Variants in EXT2 observed in about 807,000 individuals in gnomAD.
EXT2 encodes the protein exostosin glycosyltransferase 2.
EXT2 carries 53 observed loss-of-function variants against 81.6 expected under a neutral mutation model. That is an observed-to-expected ratio of 0.65 (90% CI 0.52 to 0.82). EXT2 has a LOEUF of 0.82. EXT2 is among the 40% of genes least tolerant of loss of function. The probability of loss-of-function intolerance (pLI) is 0.00; values close to 1 mark genes in which losing one functional copy is unlikely to be tolerated. For missense variants in EXT2, 774 were observed against 910.2 expected (o/e 0.85, Z 1.93); for synonymous variants, 320 against 340.0 (o/e 0.94, Z 0.65).
intron 4 of EXT2, 34 bp downstream of exon 4, chr11:44,114,335 T>C (rs1395633871): frequency 6.3e-7 from 1 of 1,575,222 alleles, no homozygotes; most frequent in Non-Finnish European, 8.7e-7. Context: ...GGTGTGCCTT[T>C]ACTGAATCTG....
intron 10 of EXT2, among the ~76,000 whole-genome samples, chr11:44,214,281 A>AT (rs1272251607): frequency 6.6e-6 from 1 of 151,734 alleles, no homozygotes; most frequent in Non-Finnish European, 1.5e-5. Flanking sequence ...CGCCCGGCTA[A>AT]TTTTTTGTAT....
At chr11:44,110,017 G>A (rs74936161) in intron 3 of EXT2, among the ~76,000 whole-genome samples, 1,721 of 152,240 alleles carry the variant, frequency 0.011, 35 homozygotes, top group African/African-American at 0.039. Flanking sequence ...AAGTTGGGGC[G>A]CAATATATAA....
intron 7 of EXT2, chr11:44,144,101 G>C (rs766243530): frequency 8.7e-6 from 6 of 689,666 alleles, no homozygotes; most frequent in Non-Finnish European, 1.2e-5. Flanking sequence ...ACAAACTTAC[G>C]CTTTCTTTCT....
rs1173837877 is a variant in EXT2, at chr11:44,187,344, AT to A, written c.1306-10473del. Reference sequence around the variant, plus strand: ...AGGCTTGCACCACTATATCCAGCTAATTTTTTTTTTTTGTAGTGACAGGGTC... The same window carrying A: ...AGGCTTGCACCACTATATCCAGCTAATTTTTTTTTTTGTAGTGACAGGGTC... On this transcript the variant is annotated intron_variant, in intron 8 of 13. Coordinates refer to ENST00000533608, the MANE Select transcript of EXT2 (RefSeq NM_207122.2). 8.2e-4 allele frequency among the ~76,000 whole-genome samples: 120 copies of A among 146,934 alleles called. 1 individual carries two copies. The highest frequency in any genetic ancestry group is 1.8e-3 in the East Asian group (9 of 5,064).
At chr11:44,106,147 C>A (rs1954050914) in intron 1 of EXT2, among the ~76,000 whole-genome samples, 2 of 152,182 alleles carry the variant, frequency 1.3e-5, no homozygotes, top group South Asian at 2.1e-4. Flanking sequence ...TTGGTCAAAG[C>A]AAATCATAAA....
intron 8 of EXT2, chr11:44,172,027 A>G (rs774210391): frequency 3.0e-5 from 14 of 461,372 alleles, no homozygotes; most frequent in Non-Finnish European, 5.6e-5. Context: ...AATCAAAGAC[A>G]TCCCGGTGAC....
chr11:44,165,435 T>C (rs1427487560), intron 7 of EXT2, among the ~76,000 whole-genome samples: 1 of 152,222 alleles, frequency 6.6e-6, no homozygotes, highest in African/African-American at 2.4e-5. Flanking sequence ...AGTTCACTTA[T>C]CCCCAGGCTG....
chr11:44,236,745 A>G (rs1955969853), intron 13 of EXT2, among the ~76,000 whole-genome samples: 1 of 152,210 alleles, frequency 6.6e-6, no homozygotes, highest in African/African-American at 2.4e-5. Context: ...TAAAAGCTTG[A>G]TTAGAAAGAA....
intron 10 of EXT2, among the ~76,000 whole-genome samples, chr11:44,229,858 G>A (rs973447902): frequency 6.6e-6 from 1 of 152,180 alleles, no homozygotes; most frequent in East Asian, 1.9e-4. Context: ...CTGCCCATTC[G>A]TGTGTTAGAC....
At position 44,153,339 on chromosome 11, in the gene EXT2, G is replaced by T. The variant is rs575190211; in HGVS notation, c.1174-18272G>T. On this transcript the variant is annotated intron_variant, in intron 7 of 13. Coordinates refer to ENST00000533608, the MANE Select transcript of EXT2 (RefSeq NM_207122.2). ...ATTCATTGCTAGTGTATATGAAAGG[G>T]ATTGATTTTTGTATATTAAACTTAT... Among the ~76,000 whole-genome samples, 14 of 152,252 alleles carry T rather than the reference G, an allele frequency of 9.2e-5. No homozygotes were observed. In the South Asian group the frequency reaches 2.9e-3, roughly 32 times the overall value.
chr11:44,120,580 G>A (rs1228253636), intron 4 of EXT2, among the ~76,000 whole-genome samples: 1 of 152,254 alleles, frequency 6.6e-6, no homozygotes, highest in African/African-American at 2.4e-5. Flanking sequence ...GGACGTGGGA[G>A]AAGGCAGGGT....
chr11:44,168,531 C>A (rs1250064003), intron 7 of EXT2, among the ~76,000 whole-genome samples: 1 of 152,098 alleles, frequency 6.6e-6, no homozygotes. Context: ...AAGGGCCACA[C>A]CTAGGCATGT....
intron 3 of EXT2, among the ~76,000 whole-genome samples, chr11:44,112,053 G>C (rs1209764745): frequency 6.6e-6 from 1 of 152,098 alleles, no homozygotes; most frequent in Non-Finnish European, 1.5e-5. Flanking sequence ...TTTGGGTTTT[G>C]TTTTGTGCAA....
intron 3 of EXT2, among the ~76,000 whole-genome samples, chr11:44,110,947 A>G (rs980474900): frequency 1.3e-5 from 2 of 152,176 alleles, no homozygotes; most frequent in Non-Finnish European, 2.9e-5. Flanking sequence ...TTGTTGGGGT[A>G]AGGAATAGTA....
chr11:44,169,034 A>T (rs2135122219), intron 7 of EXT2, among the ~76,000 whole-genome samples: 1 of 152,204 alleles, frequency 6.6e-6, no homozygotes, highest in African/African-American at 2.4e-5. Flanking sequence ...AGTCTGACCA[A>T]CATGGTGAAA....
At chr11:44,208,186 G>A (rs1955605943) in intron 10 of EXT2, among the ~76,000 whole-genome samples, 1 of 151,436 alleles carries the variant, frequency 6.6e-6, no homozygotes, top group Admixed American at 6.6e-5. Context: ...CCAAGTAATG[G>A]CAAAAAGACT....
intron 1 of EXT2, chr11:44,096,272 C>A: frequency 2.0e-6 from 3 of 1,536,050 alleles, no homozygotes; most frequent in Non-Finnish European, 2.6e-6. Flanking sequence ...GCCTCAGGGT[C>A]CGGTGGTGGC....
chr11:44,191,124 G>T (rs932014197), intron 8 of EXT2, among the ~76,000 whole-genome samples: 3 of 152,188 alleles, frequency 2.0e-5, no homozygotes, highest in African/African-American at 4.8e-5. Context: ...CAGAATAAAA[G>T]AACTTTTCTG....
At chr11:44,231,884 A>G (rs948165283) in intron 10 of EXT2, among the ~76,000 whole-genome samples, 2 of 152,182 alleles carry the variant, frequency 1.3e-5, no homozygotes, top group Non-Finnish European at 2.9e-5. Flanking sequence ...CCAGTAGGTC[A>G]TAAGAATGGT....
Sources: allele counts gnomAD v4.1 joint callset (sites outside exome capture counted in the v4.1 genomes callset), GRCh38; gene constraint gnomAD v4.1.1; transcripts MANE v1.5; gene names NCBI Gene and HGNC (gene_info 2026-07-23, HGNC 2026-07-21).